ADAMTS15: variants seen among roughly 807,000 people sequenced by gnomAD.
The protein encoded by ADAMTS15 is ADAM metallopeptidase with thrombospondin type 1 motif 15, also known as A disintegrin and metalloproteinase with thrombospondin motifs 15.
In ADAMTS15, 35 loss-of-function variants were observed where a neutral mutation model predicts 79.1. The observed-to-expected ratio is 0.44, with a 90% CI of 0.34 to 0.59. ADAMTS15 has a LOEUF of 0.59. Ranked by LOEUF, ADAMTS15 falls within the 20% of genes least tolerant of loss-of-function variation. The pLI is 0.02. For synonymous variants in ADAMTS15, 616 were observed against 567.3 expected, an observed-to-expected ratio of 1.09 and a Z score of -1.22; for missense variants, 1,324 against 1,318.7, an observed-to-expected ratio of 1.00 and a Z score of -0.06.
intron 1 of ADAMTS15, among the ~76,000 whole-genome samples, chr11:130,452,636 C>T (rs11827002): frequency 0.53 from 81,090 of 152,040 alleles, 22,802 homozygotes; most frequent in African/African-American, 0.72. Flanking sequence ...TTGAGCATTA[C>T]TTATTATTAT....
chr11:130,470,127 TATATAC>T (rs1230449356), intron 5 of ADAMTS15, among the ~76,000 whole-genome samples: 7,113 of 88,992 alleles, frequency 0.08, 449 homozygotes, highest in Middle Eastern at 0.15. Flanking sequence ...ATCATATATA[TATATAC>T]ATATATATAT....
In ADAMTS15 at chr11:130,473,621, G is replaced by C; in HGVS notation, c.2653G>C (p.Val885Leu). 5 of 1,609,732 alleles carry C rather than the reference G, an allele frequency of 3.1e-6. No homozygotes were observed. The highest frequency in any genetic ancestry group is 3.4e-6 in the Non-Finnish European group (4 of 1,179,744). ...VPACDAAHRPVETQACGEPCP... is the reference protein window; with the variant it reads ...VPACDAAHRPLETQACGEPCP... ...TGCCTGTGATGCAGCCCATCGGCCC[G>C]TGGAGACACAAGCCTGCGGGGAGCC... Residue 885 changes from valine to leucine, a missense_variant, in exon 8 of 8, where the codon GTG (valine) becomes CTG (leucine). Physicochemically the swap from Val to Leu is conservative, Grantham distance 32 (BLOSUM62 1). Transcript: ENST00000299164.
chr11:130,453,695 G>A (rs1938015698), intron 1 of ADAMTS15, among the ~76,000 whole-genome samples: 1 of 152,124 alleles, frequency 6.6e-6, no homozygotes, highest in Non-Finnish European at 1.5e-5. Flanking sequence ...CCAACGTTTT[G>A]GGATTACAGG....
At chr11:130,469,611 G>C (rs993529138) in intron 5 of ADAMTS15, among the ~76,000 whole-genome samples, 172 bp downstream of exon 5, 1 of 152,234 alleles carries the variant, frequency 6.6e-6, no homozygotes, top group Non-Finnish European at 1.5e-5. Context: ...AGGGACTGCA[G>C]TCAGGATTCC....
rs1565397527 is a variant in ADAMTS15 at position 130,470,136 on chromosome 11, ATATATATATATATATGTG to A, written c.1720+713_1720+730del. ...TACTGAATCATATATATATATACAT[ATATATATATATATATGTG>A]TATATATATATATATATATATATAT... On this transcript the variant is annotated intron_variant, in intron 5 of 7. Coordinates refer to ENST00000299164, the MANE Select transcript of ADAMTS15 (RefSeq NM_139055.4). Among the ~76,000 whole-genome samples, 80 of 63,868 alleles carry A rather than the reference ATATATATATATATATGTG, an allele frequency of 1.3e-3. 1 individual carries two copies. Among genetic ancestry groups the A allele is most frequent in the Middle Eastern group, 6.1e-3 (1 of 164 alleles). 41.9% of individuals were successfully genotyped at this position (63,868 alleles called of 152,430 possible).
At chr11:130,463,731 C>T (rs930129836) in intron 4 of ADAMTS15, among the ~76,000 whole-genome samples, 1 of 152,182 alleles carries the variant, frequency 6.6e-6, no homozygotes, top group Non-Finnish European at 1.5e-5. Context: ...CAAAAACCCA[C>T]TGTGTTCAGG....
chr11:130,464,267 A>G (rs1185365624), intron 4 of ADAMTS15, among the ~76,000 whole-genome samples: 3 of 152,238 alleles, frequency 2.0e-5, no homozygotes, highest in Non-Finnish European at 4.4e-5. Context: ...GAGAAGCACC[A>G]TCTTTCCACA....
At chr11:130,467,391 G>A (rs1291783268) in intron 4 of ADAMTS15, among the ~76,000 whole-genome samples, 8 of 152,178 alleles carry the variant, frequency 5.3e-5, no homozygotes, top group African/African-American at 1.7e-4. Context: ...GAGGTGAGGC[G>A]CTAGTTTGAG....
chr11:130,450,302 C>G, intron 1 of ADAMTS15: 9 of 985,464 alleles, frequency 9.1e-6, no homozygotes, highest in Non-Finnish European at 1.1e-5. Context: ...AGGGCGGGAA[C>G]GGCCCACCCC....
chr11:130,462,608 A>G lies in ADAMTS15; in HGVS notation c.1370A>G (p.Lys457Arg). 1 of 1,613,870 alleles carries G rather than the reference A, an allele frequency of 6.2e-7. No individual in the cohort carries two copies. The highest frequency in any genetic ancestry group is 2.2e-5 in the East Asian group (1 of 44,854). Residue 457 changes from lysine (K) to arginine (R), a missense_variant, in exon 4 of 8, where the codon AAG (lysine) becomes AGG (arginine). Physicochemically the swap from Lys to Arg is conservative, Grantham distance 26. Coordinates refer to ENST00000299164, the MANE Select transcript of ADAMTS15 (RefSeq NM_139055.4). The surrounding 1 kb of genome is among the most constrained non-coding windows in gnomAD (Gnocchi z 4.3). ...QCELAFGVGS[K>R]PCPYMQYCTK... Reference sequence around the variant, plus strand: ...GAGCTGGCTTTTGGCGTGGGCTCCAAGCCCTGTCCTTACATGCAGTACTGC... The same window carrying G: ...GAGCTGGCTTTTGGCGTGGGCTCCAGGCCCTGTCCTTACATGCAGTACTGC...
At position 130,449,433 on chromosome 11, in the gene ADAMTS15, G is replaced by A. The variant is rs527544644; in HGVS notation, c.460G>A (p.Ala154Thr). 1.3e-6 allele frequency: 2 copies of A among 1,591,252 alleles called. No homozygotes were observed. The highest frequency in any genetic ancestry group is 3.4e-5 in the Admixed American group (2 of 59,500). Residue 154 changes from alanine to threonine, a missense_variant, in exon 1 of 8, where the codon GCA becomes ACA. Transcript: ENST00000299164. The surrounding 1 kb of genome is among the most constrained non-coding windows in gnomAD (Gnocchi z 7.8). ...APAAQRNSQG[A>T]HLLQRRGVPG... ...GGCGGCGCAGCGCAACAGCCAGGGC[G>A]CACACCTTCTCCAGCGCCGGGGTGT...
In ADAMTS15 at chr11:130,462,738, C is replaced by CA. The variant is rs777397549; in HGVS notation, c.1503dup (p.Gly502ArgfsTer84). The CA allele has an allele frequency of 2.5e-6, 4 of 1,604,866 alleles. No individual in the cohort carries two copies. ...GCTGTGGCGAGGGCAAGCTCTGCCT[C>CA]AAAGGGGCCTGCGTGGAGAGACACA... On this transcript the variant is annotated frameshift_variant, in exon 4 of 8. Transcript: ENST00000299164. LOFTEE classifies it high-confidence loss of function. This position sits in a 1 kb window ranked among gnomAD's most constrained non-coding sequence, Gnocchi z 4.3.
Position 130,448,674 on chromosome 11 carries a change from C to T in ADAMTS15, c.-300C>T, listed in dbSNP as rs1158619603. Among the ~76,000 whole-genome samples the T allele has an allele frequency of 3.3e-5, 5 of 152,372 alleles. No individual in the cohort carries two copies. The East Asian group carries it at 7.7e-4, about 24-fold the overall frequency. ...TGCGAGTGGCTGCGGTTGCGAGAAG[C>T]CGCCCGGCACCTTCCGCTAGTTCTC... On this transcript the variant is annotated 5_prime_UTR_variant, in exon 1 of 8. Transcript: ENST00000299164.
rs1324345446 is a variant in ADAMTS15, at chr11:130,448,937, C to G, written c.-37C>G. The stretch of plus-strand genomic sequence containing the variant: ...GCAGCGGCCGGAGAGCCCGGCCCAG[C>G]CCCTTCCCACAGCGCGGCGGTGCGC... On this transcript the variant is annotated 5_prime_UTR_variant, in exon 1 of 8. Transcript: ENST00000299164. The G allele has an allele frequency of 6.9e-6, 10 of 1,457,282 alleles. No individual in the cohort carries two copies. Among genetic ancestry groups the G allele is most frequent in the East Asian group, 2.4e-5 (1 of 41,454 alleles). The allele number at this position is 1,457,282 out of a possible 1,614,324, so 90.3% of individuals were successfully genotyped here.
Position 130,462,484 on chromosome 11 carries a change from CG to C in ADAMTS15, c.1259-11del. 6.4e-7 allele frequency: 1 copy of C among 1,572,922 alleles called. No individual in the cohort carries two copies. Among genetic ancestry groups the C allele is most frequent in the South Asian group, 1.2e-5 (1 of 85,468 alleles). The stretch of plus-strand genomic sequence containing the variant: ...CCCAGCTCATCCTAACGAACGCCCT[CG>C]GCTCTCTGCAGGTGACTGCCTCCTG... On this transcript the variant is annotated splice_polypyrimidine_tract_variant and intron_variant, in intron 3 of 7. Coordinates refer to ENST00000299164, the MANE Select transcript of ADAMTS15 (RefSeq NM_139055.4). The surrounding 1 kb of genome is among the most constrained non-coding windows in gnomAD (Gnocchi z 4.3).
Position 130,449,189 on chromosome 11 carries a change from T to C in ADAMTS15, c.216T>C (p.Ala72=). The C allele has an allele frequency of 6.2e-7, 1 of 1,613,226 alleles. No individual in the cohort carries two copies. The highest frequency in any genetic ancestry group is 1.1e-5 in the South Asian group (1 of 91,046). The change falls in exon 1 of 8, where the codon GCT becomes GCC. Residue 72 remains alanine, a synonymous_variant. Coordinates refer to ENST00000299164, the MANE Select transcript of ADAMTS15 (RefSeq NM_139055.4). This position sits in a 1 kb window ranked among gnomAD's most constrained non-coding sequence, Gnocchi z 7.8. ...EDFYLHLTPD[A]QFLAPAFSTE... ...TTTACCTACACCTGACGCCGGATGC[T>C]CAGTTCTTGGCTCCCGCCTTCTCCA...
At chr11:130,458,926 C>G (rs1434082909) in intron 1 of ADAMTS15, among the ~76,000 whole-genome samples, 2 of 152,066 alleles carry the variant, frequency 1.3e-5, no homozygotes, top group Non-Finnish European at 2.9e-5. Context: ...CATCCCTGCC[C>G]TCATCTTGGC....
rs940138944 is a variant in ADAMTS15 at position 130,473,099 on chromosome 11, A to G, written c.2131A>G (p.Ile711Val). ...AIPAGASSID[I>V]RQRGYKGLIG... The stretch of plus-strand genomic sequence containing the variant: ...CCCCGCAGGCGCCTCAAGCATCGAC[A>G]TCCGCCAGCGCGGTTACAAAGGGCT... The change falls in exon 8 of 8, where the codon ATC (isoleucine) becomes GTC (valine). Residue 711 changes from isoleucine (I) to valine (V), a missense_variant. Physicochemically the swap from Ile to Val is conservative, Grantham distance 29. Transcript: ENST00000299164. 5.0e-6 allele frequency: 8 copies of G among 1,613,996 alleles called. No homozygotes were observed. Among genetic ancestry groups the G allele is most frequent in the Non-Finnish European group, 6.8e-6 (8 of 1,180,038 alleles).
intron 1 of ADAMTS15, chr11:130,450,381 G>A (rs1592142766): frequency 1.0e-6 from 1 of 985,356 alleles, no homozygotes; most frequent in Non-Finnish European, 1.2e-6. Flanking sequence ...TAGAACTGAA[G>A]GTGATCCAAG....
Sources: allele counts gnomAD v4.1 joint callset (sites outside exome capture counted in the v4.1 genomes callset), GRCh38; gene constraint gnomAD v4.1.1; non-coding constraint Gnocchi (gnomAD v3.1); transcripts MANE v1.5; gene names NCBI Gene and HGNC (gene_info 2026-07-23, HGNC 2026-07-21).